The following CLDN14 variants were observed in gnomAD, a reference collection of about 807,000 sequenced individuals.
CLDN14 encodes claudin-14.
In CLDN14, 2 loss-of-function variants were observed where a neutral mutation model predicts 2.1. The observed-to-expected ratio is 0.96, with a 90% confidence interval of 0.39 to 3.01. The LOEUF is 3.01. Ranked by LOEUF, CLDN14 falls within the 30% of genes most tolerant of loss-of-function variation. CLDN14 has a pLI of 0.09. For missense variants in CLDN14, 298 were observed against 328.0 expected (o/e 0.91, Z 0.71); for synonymous variants, 136 against 154.4 (o/e 0.88, Z 0.88).
chr21:36,489,157 TGGAG>T (rs2086935118), intron 2 of CLDN14, among the ~76,000 whole-genome samples: 1 of 117,072 alleles, frequency 8.5e-6, no homozygotes, highest in Non-Finnish European at 1.7e-5. Context: ...TATATATATA[TGGAG>T]AGAGAGAGAG....
chr21:36,498,712 G>A lies in CLDN14; in HGVS notation c.-82+11651C>T, dbSNP rs771943966. On this transcript the variant is annotated intron_variant, in intron 2 of 2. Transcript: ENST00000342108. The surrounding 1 kb of genome is among the most constrained non-coding windows in gnomAD (Gnocchi z 4.9). ...CAGACAGCAGCCTACAGAAAGGTGG[G>A]GGCACCTCTCAGCTGGCCTTCAGCT... is the stretch of plus-strand genomic sequence containing the variant. Among the ~76,000 whole-genome samples the A allele has an allele frequency of 6.6e-6, 1 of 152,140 alleles. No individual in the cohort carries two copies. The highest frequency in any genetic ancestry group is 2.1e-4 in the South Asian group (1 of 4,824).
chr21:36,491,079 G>A (rs2086959841), intron 2 of CLDN14, among the ~76,000 whole-genome samples: 1 of 152,070 alleles, frequency 6.6e-6, no homozygotes, highest in African/African-American at 2.4e-5. Flanking sequence ...GCCTTCATTT[G>A]CATCACGTTA....
intron 1 of CLDN14, among the ~76,000 whole-genome samples, chr21:36,524,195 T>A (rs1222562262): frequency 6.6e-6 from 1 of 152,018 alleles, no homozygotes; most frequent in Non-Finnish European, 1.5e-5. Context: ...CACAACTCAC[T>A]GCAGAGCCTT....
intron 1 of CLDN14, among the ~76,000 whole-genome samples, chr21:36,523,002 C>A (rs566369740): frequency 2.0e-5 from 3 of 152,076 alleles, no homozygotes; most frequent in South Asian, 4.2e-4. Flanking sequence ...CATGTCACTG[C>A]GGAGGCTGAA....
intron 1 of CLDN14, among the ~76,000 whole-genome samples, chr21:36,561,329 G>A (rs2087633899): frequency 6.6e-6 from 1 of 152,228 alleles, no homozygotes; most frequent in African/African-American, 2.4e-5. Context: ...GCCACATGAT[G>A]TCCATGGCTG....
chr21:36,503,993 TAG>T (rs151185208), intron 2 of CLDN14, among the ~76,000 whole-genome samples: 4,835 of 149,100 alleles, frequency 0.032, 282 homozygotes, highest in African/African-American at 0.11. Context: ...ATAAAGAAAA[TAG>T]ATTCATTAAA....
At chr21:36,465,024 C>G (rs1006493195) in intron 1 of CLDN14, among the ~76,000 whole-genome samples, 7 of 152,296 alleles carry the variant, frequency 4.6e-5, no homozygotes, top group Middle Eastern at 3.4e-3. Flanking sequence ...ACCAACTGCC[C>G]TGCTTTGCTA....
chr21:36,555,567 T>C (rs2087592811), intron 1 of CLDN14, among the ~76,000 whole-genome samples: 1 of 152,118 alleles, frequency 6.6e-6, no homozygotes, highest in African/African-American at 2.4e-5. Flanking sequence ...GGGTGATGGA[T>C]GGATGTGGAG....
chr21:36,572,991 A>C (rs986393148), intron 1 of CLDN14, among the ~76,000 whole-genome samples: 2 of 152,246 alleles, frequency 1.3e-5, no homozygotes, highest in African/African-American at 4.8e-5. Context: ...ATGTACGTAT[A>C]GGAAATACAC....
Position 36,461,506 on chromosome 21 carries a change from A to C in CLDN14, c.190T>G (p.Cys64Gly). 1 of 1,613,428 alleles carries C rather than the reference A, an allele frequency of 6.2e-7. No individual in the cohort carries two copies. Among genetic ancestry groups the C allele is most frequent in the Non-Finnish European group, 8.5e-7 (1 of 1,179,992 alleles). Residue 64 changes from cysteine (C) to glycine (G), a missense_variant, in exon 2 of 2, where the codon TGC becomes GGC. Coordinates refer to ENST00000399135, the MANE Select transcript of CLDN14 (RefSeq NM_001146079.2). ...CVWHSTGIYQ[C>G]QIYRSLLALP... ...GCCAGCAGGGATCGGTAGATCTGGC[A>C]CTGGTAGATGCCTGTGCTGTGCCAC...
chr21:36,575,283 C>A (rs954960156), intron 1 of CLDN14, among the ~76,000 whole-genome samples: 7 of 152,190 alleles, frequency 4.6e-5, no homozygotes, highest in Admixed American at 3.3e-4. Flanking sequence ...TGATACTCAG[C>A]AAATGATAGC....
rs1261261240 is a variant in CLDN14 at position 36,498,619 on chromosome 21, G to A, written c.-82+11744C>T. Among the ~76,000 whole-genome samples, 1 of 152,170 alleles carries A rather than the reference G, an allele frequency of 6.6e-6. No homozygotes were observed. Among genetic ancestry groups the A allele is most frequent in the Admixed American group, 6.6e-5 (1 of 15,266 alleles). On this transcript the variant is annotated intron_variant, in intron 2 of 2. Coordinates refer to the CLDN14 transcript ENST00000342108. The surrounding 1 kb of genome is among the most constrained non-coding windows in gnomAD (Gnocchi z 4.9). ...TTGCAGGCGATGGGGACGTGGAACTGGTAGGACCGATGGCTAAGCTCTCTT... is the reference window on the plus strand; with the variant it reads ...TTGCAGGCGATGGGGACGTGGAACTAGTAGGACCGATGGCTAAGCTCTCTT...
rs1039115820 is a variant in CLDN14 at position 36,544,839 on chromosome 21, C to T, written c.-220+31572G>A. ...AGCAACCATGTGAAAACAATTAGGACGACAAATTTACTAATTGCTGAAAGT... is the reference window on the plus strand; with the variant it reads ...AGCAACCATGTGAAAACAATTAGGATGACAAATTTACTAATTGCTGAAAGT... On this transcript the variant is annotated intron_variant, in intron 1 of 2. Transcript: ENST00000342108. The surrounding 1 kb of genome is among the most constrained non-coding windows in gnomAD (Gnocchi z 4.1). Among the ~76,000 whole-genome samples the T allele has an allele frequency of 5.9e-5, 9 of 152,186 alleles. No individual in the cohort carries two copies. The highest frequency in any genetic ancestry group is 2.0e-4 in the Admixed American group (3 of 15,274).
intron 1 of CLDN14, among the ~76,000 whole-genome samples, chr21:36,530,770 C>G (rs764109003): frequency 6.6e-6 from 1 of 152,114 alleles, no homozygotes; most frequent in Admixed American, 6.6e-5. Context: ...CAGATGTACC[C>G]GGGGGAGTTT....
At chr21:36,545,941 C>T (rs12483641) in intron 1 of CLDN14, among the ~76,000 whole-genome samples, 1 of 152,196 alleles carries the variant, frequency 6.6e-6, no homozygotes, top group African/African-American at 2.4e-5. Context: ...TGCAAGAGCC[C>T]TTCAGCCCTC....
chr21:36,507,411 G>A (rs986742448), intron 2 of CLDN14, among the ~76,000 whole-genome samples: 1 of 152,076 alleles, frequency 6.6e-6, no homozygotes, highest in Non-Finnish European at 1.5e-5. Flanking sequence ...CCGCTTGAGT[G>A]TTTAATTACT....
In CLDN14 at chr21:36,513,338, T is replaced by G. The variant is rs2146486447; in HGVS notation, c.-219-2838A>C. ...GATGACTGGCAATGCGGCAGCCATT[T>G]GAGCCTTAGGGAGCTATCCTGGGGA... On this transcript the variant is annotated intron_variant, in intron 1 of 2. Transcript: ENST00000342108. Among the ~76,000 whole-genome samples the G allele has an allele frequency of 2.0e-5, 3 of 152,346 alleles. No homozygotes were observed. In the Middle Eastern group the frequency reaches 0.01, roughly 518 times the overall value.
intron 1 of CLDN14, among the ~76,000 whole-genome samples, chr21:36,554,849 G>A (rs1207867380): frequency 6.6e-6 from 1 of 152,214 alleles, no homozygotes; most frequent in Non-Finnish European, 1.5e-5. Context: ...AGCACTGACA[G>A]GCCTGGGAAG....
intron 2 of CLDN14, among the ~76,000 whole-genome samples, chr21:36,489,571 T>C (rs55666618): frequency 0.088 from 13,395 of 152,180 alleles, 949 homozygotes; most frequent in East Asian, 0.29. Flanking sequence ...GAGTAGCTGA[T>C]GGCAGGGCCT....
Sources: allele counts gnomAD v4.1 joint callset (sites outside exome capture counted in the v4.1 genomes callset), GRCh38; gene constraint gnomAD v4.1.1; non-coding constraint Gnocchi (gnomAD v3.1); transcripts MANE v1.5; gene names NCBI Gene and HGNC (gene_info 2026-07-23, HGNC 2026-07-21).